SIM2: variants seen among roughly 807,000 people sequenced by gnomAD.
SIM2 encodes the protein single-minded homolog 2.
In SIM2, 28 loss-of-function variants were observed where a neutral mutation model predicts 64.8. That is an observed-to-expected ratio of 0.43 (90% confidence interval 0.32 to 0.59). SIM2 has a LOEUF of 0.59. Ranked by LOEUF, SIM2 falls within the 20% of genes least tolerant of loss-of-function variation. SIM2 has a pLI of 0.07. For missense variants in SIM2, 847 were observed against 871.4 expected (o/e 0.97, Z 0.35); for synonymous variants, 408 against 391.1 (o/e 1.04, Z -0.51).
intron 8 of SIM2, 137 bp downstream of exon 8, chr21:36,742,001 A>T (rs1436398115): frequency 1.2e-4 from 94 of 798,712 alleles, no homozygotes; most frequent in South Asian, 2.8e-4. Context: ...CTTTTTTTTA[A>T]TTTTTTTTTT....
chr21:36,720,198 T>G (rs1342326063), intron 4 of SIM2: 1 of 409,262 alleles, frequency 2.4e-6, no homozygotes, highest in Non-Finnish European at 4.5e-6. Context: ...GCAAGCCTGC[T>G]CCCCTCGTGC....
chr21:36,747,682 C>T lies in SIM2; in HGVS notation c.1594C>T (p.Arg532Cys). ...PSYEAPAAAV[R>C]RFGEDTAPPS... is the part of the protein sequence containing the mutation. ...CCCCGCAGCGCCCGCCGCCGCCGTGCGCAGGTTCGGCGAGGACACCGCGCC... is the reference window on the plus strand; with the variant it reads ...CCCCGCAGCGCCCGCCGCCGCCGTGTGCAGGTTCGGCGAGGACACCGCGCC... The change falls in exon 11 of 11, where the codon CGC becomes TGC. Residue 532 changes from arginine (R) to cysteine (C), a missense_variant. This residue lies in a region of SIM2 where 447 missense variants were observed against 414.6 expected (regional missense o/e 1.08). Transcript: ENST00000290399. The surrounding 1 kb of genome is among the most constrained non-coding windows in gnomAD (Gnocchi z 4.5). 1 of 1,270,850 alleles carries T rather than the reference C, an allele frequency of 7.9e-7. No homozygotes were observed. The highest frequency in any genetic ancestry group is 9.9e-7 in the Non-Finnish European group (1 of 1,007,566). The allele number at this position is 1,270,850 out of a possible 1,614,324, so 78.7% of individuals were successfully genotyped here.
rs1568933460 is a variant in SIM2 at position 36,726,365 on chromosome 21, CGGTGGTGGAAATG to C, written c.743+51_743+63del. 1 of 1,545,908 alleles carries C rather than the reference CGGTGGTGGAAATG, an allele frequency of 6.5e-7. No homozygotes were observed. Among genetic ancestry groups the C allele is most frequent in the South Asian group, 1.1e-5 (1 of 87,592 alleles). ...GTGGCTGTGGCCTTCTGGAAGACAC[CGGTGGTGGAAATG>C]GGTCCCTGAAAGCTGCCATCTTGGC... is the stretch of plus-strand genomic sequence containing the variant. On this transcript the variant is annotated intron_variant, in intron 6 of 10. Transcript: ENST00000290399. This position sits in a 1 kb window ranked among gnomAD's most constrained non-coding sequence, Gnocchi z 4.5.
In SIM2 at chr21:36,744,938, A is replaced by G. The variant is rs1203365837; in HGVS notation, c.1378A>G (p.Met460Val). 7 of 1,614,146 alleles carry G rather than the reference A, an allele frequency of 4.3e-6. No individual in the cohort carries two copies. The Admixed American group carries it at 1.2e-4, about 27-fold the overall frequency. Residue 460 changes from methionine (M) to valine (V), a missense_variant, in exon 10 of 11, where the codon ATG becomes GTG. Coordinates refer to ENST00000290399, the MANE Select transcript of SIM2 (RefSeq NM_005069.6). ...DSHVFSSKKP[M>V]LPAKFGQPQG... ...TCACGTCTTCAGCAGCAAAAAGCCA[A>G]TGTTGCCGGCCAAGTTCGGGCAGCC...
chr21:36,716,618 T>G (rs1392308281), intron 3 of SIM2, among the ~76,000 whole-genome samples: 3 of 152,184 alleles, frequency 2.0e-5, no homozygotes, highest in Admixed American at 2.0e-4. Flanking sequence ...TAACGTGCAT[T>G]TTCAGAGTGC....
chr21:36,741,032 C>T (rs933078703), intron 7 of SIM2, among the ~76,000 whole-genome samples: 5 of 152,152 alleles, frequency 3.3e-5, no homozygotes, highest in Admixed American at 2.0e-4. Flanking sequence ...ATGGGTGCAC[C>T]GAGCCTTTGG....
At chr21:36,701,845 C>T (rs903075995) in intron 1 of SIM2, among the ~76,000 whole-genome samples, 1 of 152,224 alleles carries the variant, frequency 6.6e-6, no homozygotes, top group African/African-American at 2.4e-5. Flanking sequence ...AAGAGCCGTT[C>T]CTTAACCGCA....
At position 36,719,940 on chromosome 21, in the gene SIM2, C is replaced by T; in HGVS notation, c.457+11C>T. 1 of 1,533,788 alleles carries T rather than the reference C, an allele frequency of 6.5e-7. No homozygotes were observed. The highest frequency in any genetic ancestry group is 1.1e-5 in the South Asian group (1 of 89,288). On this transcript the variant is annotated intron_variant, in intron 4 of 10. Coordinates refer to ENST00000290399, the MANE Select transcript of SIM2 (RefSeq NM_005069.6). ...ACCACCTGCTCCAAGGTATTCCATC[C>T]AGAGGGAAAAAAAAAAACAGACTAA...
At chr21:36,739,942 T>C (rs547230646) in intron 7 of SIM2, among the ~76,000 whole-genome samples, 160 of 135,920 alleles carry the variant, frequency 1.2e-3, no homozygotes, top group Admixed American at 2.3e-3. Context: ...CACTCCAGCC[T>C]GAGCAACACA....
intron 4 of SIM2, chr21:36,720,276 C>T (rs1340260926): frequency 8.8e-6 from 2 of 227,466 alleles, no homozygotes; most frequent in East Asian, 1.7e-4. Flanking sequence ...AACCAAGATG[C>T]CGTGCCTAAA....
At position 36,748,164 on chromosome 21, in the gene SIM2, G is replaced by T. The variant is rs2089260889; in HGVS notation, c.*72G>T. 2 of 680,280 alleles carry T rather than the reference G, an allele frequency of 2.9e-6. No homozygotes were observed. The highest frequency in any genetic ancestry group is 1.9e-6 in the Non-Finnish European group (1 of 524,362). 42.1% of individuals were successfully genotyped at this position (680,280 alleles called of 1,614,324 possible). The stretch of plus-strand genomic sequence containing the variant: ...TGCGGCGCCACCGAGCCCGGCAAAT[G>T]CGCACGACCTACATTAATTTATGCA... On this transcript the variant is annotated 3_prime_UTR_variant, in exon 11 of 11. Coordinates refer to ENST00000290399, the MANE Select transcript of SIM2 (RefSeq NM_005069.6).
intron 7 of SIM2, among the ~76,000 whole-genome samples, chr21:36,739,583 C>G (rs562738889): frequency 1.3e-5 from 2 of 152,276 alleles, no homozygotes; most frequent in South Asian, 4.1e-4. Flanking sequence ...CAATGAAACC[C>G]TTTGTAGGTA....
rs778060708 is a variant in SIM2, at chr21:36,709,255, A to G, written c.258+5A>G. On this transcript the variant is annotated splice_donor_5th_base_variant and intron_variant, in intron 2 of 10. Coordinates refer to ENST00000290399, the MANE Select transcript of SIM2 (RefSeq NM_005069.6). ...CTGGGATCGCACTTGCTGCAGGTAG[A>G]GCGGCCTCGCCGGGGGAGGAGCGCA... is the stretch of plus-strand genomic sequence containing the variant. The G allele has an allele frequency of 8.8e-6, 14 of 1,593,874 alleles. No homozygotes were observed. The highest frequency in any genetic ancestry group is 1.2e-5 in the Non-Finnish European group (14 of 1,171,188).
chr21:36,720,111 C>A, intron 4 of SIM2, 182 bp downstream of exon 4: 1 of 587,826 alleles, frequency 1.7e-6, no homozygotes, highest in Non-Finnish European at 3.0e-6. Context: ...ATACCTGTGT[C>A]TTTTAAGCCA....
intron 7 of SIM2, among the ~76,000 whole-genome samples, chr21:36,741,231 T>C (rs1005752579): frequency 2.6e-5 from 4 of 152,234 alleles, no homozygotes; most frequent in African/African-American, 9.6e-5. Context: ...TCACTGTGAA[T>C]ACCCTCATGT....
rs2089289388 is a variant in SIM2 at position 36,749,226 on chromosome 21, A to C, written c.*1134A>C. 1 of 152,660 alleles carries C rather than the reference A, an allele frequency of 6.6e-6. No homozygotes were observed. Among genetic ancestry groups the C allele is most frequent in the Non-Finnish European group, 1.5e-5 (1 of 68,036 alleles). The allele number at this position is 152,660 out of a possible 1,614,324, so 9.5% of individuals were successfully genotyped here. On this transcript the variant is annotated 3_prime_UTR_variant, in exon 11 of 11. Coordinates refer to ENST00000290399, the MANE Select transcript of SIM2 (RefSeq NM_005069.6). ...GTTTTGCTTAAAGATCTCAACATGG[A>C]AAAATCCTGTCATGGCTCTGAACTG...
chr21:36,718,410 C>T (rs1316010027), intron 3 of SIM2, among the ~76,000 whole-genome samples: 2 of 152,198 alleles, frequency 1.3e-5, no homozygotes, highest in East Asian at 1.9e-4. Flanking sequence ...TGTTGTCTCT[C>T]CTCTGATGGA....
chr21:36,708,013 C>G (rs2088612752), intron 1 of SIM2, among the ~76,000 whole-genome samples: 1 of 92,458 alleles, frequency 1.1e-5, no homozygotes, highest in African/African-American at 4.6e-5. Context: ...GCGCCCGCAG[C>G]TCGCTCCGCA....
chr21:36,721,518 C>A (rs2088822127), intron 4 of SIM2, among the ~76,000 whole-genome samples: 1 of 152,112 alleles, frequency 6.6e-6, no homozygotes, highest in Non-Finnish European at 1.5e-5. Context: ...CGGCTCACTG[C>A]AACCTCCACC....
Sources: gnomAD v4.1 joint callset for allele counts (sites outside exome capture counted in the v4.1 genomes callset) on GRCh38, gnomAD v4.1.1 for gene constraint, gnomAD v4.1.1 regional missense constraint, Gnocchi (gnomAD v3.1) non-coding constraint, MANE v1.5 for transcripts, NCBI Gene and HGNC (gene_info 2026-07-23, HGNC 2026-07-21) for gene names.